The following ERP44 variants were observed in gnomAD, a reference collection of about 807,000 sequenced individuals.
ERP44 encodes endoplasmic reticulum resident protein 44.
Under a neutral mutation model 53.4 loss-of-function variants are expected in ERP44, and 25 were observed. That is an observed-to-expected ratio of 0.47 (90% CI 0.34 to 0.65). The LOEUF (loss-of-function observed/expected upper bound fraction) is 0.65. Among genes scored for constraint, ERP44 ranks in the 30% least tolerant of loss-of-function variants. The pLI is 0.01. For synonymous variants in ERP44, 145 were observed against 161.2 expected, an observed-to-expected ratio of 0.90 and a Z score of 0.76; for missense variants, 338 against 493.2, an observed-to-expected ratio of 0.69 and a Z score of 2.98.
intron 10 of ERP44, among the ~76,000 whole-genome samples, chr9:100,003,544 C>A (rs1296671113): frequency 6.6e-6 from 1 of 152,242 alleles, no homozygotes; most frequent in African/African-American, 2.4e-5. Flanking sequence ...TTCACACTGG[C>A]TGGCCTGGTG....
At chr9:100,000,430 T>C (rs1472498896) in intron 10 of ERP44, among the ~76,000 whole-genome samples, 1 of 106,318 alleles carries the variant, frequency 9.4e-6, no homozygotes, top group Non-Finnish European at 1.8e-5. Context: ...AGCAAGATCC[T>C]GTATCAAAAA....
intron 10 of ERP44, chr9:99,998,899 C>T (rs1283409220): frequency 1.9e-6 from 3 of 1,594,020 alleles, no homozygotes; most frequent in African/African-American, 1.3e-5. Context: ...CCATCTCCCC[C>T]AGCAGTCTCA....
intron 10 of ERP44, among the ~76,000 whole-genome samples, chr9:100,002,937 A>G (rs1232087185): frequency 1.3e-5 from 2 of 152,032 alleles, no homozygotes; most frequent in Admixed American, 6.5e-5. Flanking sequence ...ATTTACTCCT[A>G]TAACTTGAAT....
chr9:100,094,985 A>ATT, intron 1 of ERP44, among the ~76,000 whole-genome samples: 1 of 151,982 alleles, frequency 6.6e-6, no homozygotes, highest in African/African-American at 2.4e-5. Context: ...AAAAAAAAAA[A>ATT]AAAAAAGTGC....
At chr9:100,075,518 T>A (rs1418653248) in intron 1 of ERP44, among the ~76,000 whole-genome samples, 3 of 152,186 alleles carry the variant, frequency 2.0e-5, no homozygotes, top group Non-Finnish European at 4.4e-5. Flanking sequence ...GTCCATCACA[T>A]TGATGACATT....
At chr9:100,085,731 C>G (rs1028420778) in intron 1 of ERP44, among the ~76,000 whole-genome samples, 1 of 152,208 alleles carries the variant, frequency 6.6e-6, no homozygotes, top group Non-Finnish European at 1.5e-5. Flanking sequence ...GAAACCTCGT[C>G]TCTACTAAAA....
At position 100,041,567 on chromosome 9, in the gene ERP44, C is replaced by T. The variant is rs566936907; in HGVS notation, c.286+10850G>A. ...CCTGTAGTCCCAGTTACTTGGGAGGCTGAGGCAGAAGAATCACTTGAACCT... is the reference window on the plus strand; with the variant it reads ...CCTGTAGTCCCAGTTACTTGGGAGGTTGAGGCAGAAGAATCACTTGAACCT... On this transcript the variant is annotated intron_variant, in intron 4 of 11. Coordinates refer to ENST00000262455, the MANE Select transcript of ERP44 (RefSeq NM_015051.3). 5.1e-3 allele frequency among the ~76,000 whole-genome samples: 774 copies of T among 152,202 alleles called. 8 individuals are homozygous for T. Among genetic ancestry groups the T allele is most frequent in the South Asian group, 0.024 (114 of 4,810 alleles).
chr9:100,019,781 A>G (rs915657788), intron 6 of ERP44, among the ~76,000 whole-genome samples: 4 of 152,220 alleles, frequency 2.6e-5, no homozygotes, highest in African/African-American at 9.6e-5. Flanking sequence ...CACACCCTTC[A>G]GAGGAATTGA....
chr9:99,986,747 T>G (rs552841393), intron 10 of ERP44, among the ~76,000 whole-genome samples: 29 of 152,330 alleles, frequency 1.9e-4, no homozygotes, highest in African/African-American at 6.7e-4. Flanking sequence ...ATGCACAGTT[T>G]ACAAATACAA....
chr9:100,055,553 T>C (rs4743381), intron 3 of ERP44, among the ~76,000 whole-genome samples: 70,358 of 151,578 alleles, frequency 0.46, 17,580 homozygotes, highest in East Asian at 0.9. Context: ...GTATTTTTAG[T>C]AAAGACGGGG....
At chr9:100,098,175 G>A (rs1257268381) in intron 1 of ERP44, among the ~76,000 whole-genome samples, 3 of 152,184 alleles carry the variant, frequency 2.0e-5, no homozygotes, top group Non-Finnish European at 4.4e-5. Flanking sequence ...CTGCTTCCAT[G>A]GGGAAATACG....
intron 8 of ERP44, among the ~76,000 whole-genome samples, chr9:100,011,879 C>G (rs1011274898): frequency 6.6e-6 from 1 of 152,148 alleles, no homozygotes; most frequent in African/African-American, 2.4e-5. Context: ...ATTCAAAATG[C>G]TTGGGATCAG....
intron 1 of ERP44, among the ~76,000 whole-genome samples, chr9:100,080,248 A>G (rs1826408860): frequency 6.6e-6 from 1 of 152,208 alleles, no homozygotes; most frequent in Non-Finnish European, 1.5e-5. Context: ...TTGCTATGAC[A>G]GAGAGCTTAC....
intron 2 of ERP44, among the ~76,000 whole-genome samples, chr9:100,059,675 G>A (rs1258329771): frequency 6.6e-6 from 1 of 151,934 alleles, no homozygotes; most frequent in African/African-American, 2.4e-5. Flanking sequence ...CAGTCTGGGT[G>A]ACAAAGCAAG....
intron 4 of ERP44, among the ~76,000 whole-genome samples, chr9:100,030,879 T>G (rs544063367): frequency 4.6e-5 from 7 of 152,252 alleles, no homozygotes; most frequent in African/African-American, 1.7e-4. Flanking sequence ...CCCACCTTGC[T>G]GCAGGCAATG....
rs1168903331 is a variant in ERP44, at chr9:100,043,291, A to AAAAAAAAAAAAAAAAAAG, written c.286+9125_286+9126insCTTTTTTTTTTTTTTTTT. On this transcript the variant is annotated intron_variant, in intron 4 of 11. Transcript: ENST00000262455. ...AAAAAAAAAAAAAAAAAAAAAAAAA[A>AAAAAAAAAAAAAAAAAAG]GATAAATAAGACATAGTATTTGCTA... Among the ~76,000 whole-genome samples the AAAAAAAAAAAAAAAAAAG allele has an allele frequency of 9.7e-4, 73 of 74,922 alleles. 23 individuals carry two copies. Among genetic ancestry groups the AAAAAAAAAAAAAAAAAAG allele is most frequent in the East Asian group, 1.1e-3 (2 of 1,780 alleles). 49.2% of individuals were successfully genotyped at this position (74,922 alleles called of 152,430 possible).
intron 10 of ERP44, 103 bp downstream of exon 10, chr9:100,006,403 T>A (rs1298477610): frequency 3.5e-5 from 30 of 860,946 alleles, no homozygotes; most frequent in Middle Eastern, 3.4e-4. Flanking sequence ...TAACAAAGTC[T>A]TACTGTTCCA....
Position 100,075,310 on chromosome 9 carries a change from G to A in ERP44, c.58-15138C>T, listed in dbSNP as rs539355757. Among the ~76,000 whole-genome samples, 42 of 152,368 alleles carry A rather than the reference G, an allele frequency of 2.8e-4. 1 individual carries two copies. The highest frequency in any genetic ancestry group is 2.5e-3 in the Admixed American group (39 of 15,310). On this transcript the variant is annotated intron_variant, in intron 1 of 11. Transcript: ENST00000262455. ...TAACACATCTCCCGGTACCCGGTAT[G>A]CAGCCATTGATTTGACAAATGCTTT...
chr9:100,072,228 AG>A (rs1235787357), intron 1 of ERP44, among the ~76,000 whole-genome samples: 1 of 152,176 alleles, frequency 6.6e-6, no homozygotes, highest in East Asian at 1.9e-4. Context: ...ATAGTAGTTC[AG>A]CTTTCTAAGC....
Sources: gnomAD v4.1 joint callset for allele counts (sites outside exome capture counted in the v4.1 genomes callset) on GRCh38, gnomAD v4.1.1 for gene constraint, MANE v1.5 for transcripts, NCBI Gene and HGNC (gene_info 2026-07-23, HGNC 2026-07-21) for gene names.